Variants in SH3RF3 observed in about 807,000 individuals in gnomAD.
The protein encoded by SH3RF3 is E3 ubiquitin-protein ligase SH3RF3.
SH3RF3 carries 29 observed loss-of-function variants against 66.3 expected under a neutral mutation model. That is an observed-to-expected ratio of 0.44 (90% CI 0.33 to 0.60). SH3RF3 has a LOEUF of 0.60. Ranked by LOEUF, SH3RF3 falls within the 20% of genes least tolerant of loss-of-function variation. The probability of loss-of-function intolerance (pLI) is 0.04; values close to 1 mark genes in which losing one functional copy is unlikely to be tolerated. For synonymous variants in SH3RF3, 583 were observed against 532.0 expected, an observed-to-expected ratio of 1.10 and a Z score of -1.32; for missense variants, 1,194 against 1,190.9, an observed-to-expected ratio of 1.00 and a Z score of -0.04.
intron 8 of SH3RF3, among the ~76,000 whole-genome samples, chr2:109,489,579 G>A (rs1017805990): frequency 6.6e-6 from 1 of 152,218 alleles, no homozygotes; most frequent in South Asian, 2.1e-4. Context: ...CCAGGGTCCC[G>A]TGACAGAGAG....
chr2:109,501,737 G>C lies in SH3RF3; in HGVS notation c.*66G>C, dbSNP rs1679393324. 8 of 693,320 alleles carry C rather than the reference G, an allele frequency of 1.2e-5. No individual in the cohort carries two copies. Among genetic ancestry groups the C allele is most frequent in the South Asian group, 6.1e-5 (4 of 65,326 alleles). The allele number at this position is 693,320 out of a possible 1,614,324, so 42.9% of individuals were successfully genotyped here. ...CGCCTGGGAAGCTCCACGGCACACA[G>C]AGAGGGAGCCATGGCGCCCCAAGGG... On this transcript the variant is annotated 3_prime_UTR_variant, in exon 10 of 10. Transcript: ENST00000309415.
At chr2:109,325,042 G>T (rs1682118162) in intron 1 of SH3RF3, among the ~76,000 whole-genome samples, 1 of 127,202 alleles carries the variant, frequency 7.9e-6, no homozygotes, top group Admixed American at 7.4e-5. Flanking sequence ...TAAAATGTGT[G>T]TGGTTTTTGT....
chr2:109,368,708 T>TAAAAAA (rs372666198), intron 2 of SH3RF3, among the ~76,000 whole-genome samples: 3 of 136,796 alleles, frequency 2.2e-5, no homozygotes, highest in Non-Finnish European at 3.2e-5. Flanking sequence ...GTATTTTCTT[T>TAAAAAA]AAAAAAAAAA....
intron 9 of SH3RF3, among the ~76,000 whole-genome samples, chr2:109,496,381 T>C (rs1679262311): frequency 6.6e-6 from 1 of 152,162 alleles, no homozygotes; most frequent in Non-Finnish European, 1.5e-5. Flanking sequence ...CACTCCTAGC[T>C]GCAGTGCTGA....
intron 1 of SH3RF3, among the ~76,000 whole-genome samples, chr2:109,149,113 G>T (rs1677172095): frequency 6.6e-6 from 1 of 152,124 alleles, no homozygotes; most frequent in Non-Finnish European, 1.5e-5. Flanking sequence ...CTGGGCTCTG[G>T]GAAGGAGCAG....
At chr2:109,176,107 G>C (rs1373929843) in intron 1 of SH3RF3, among the ~76,000 whole-genome samples, 1 of 152,150 alleles carries the variant, frequency 6.6e-6, no homozygotes. Context: ...CTGTCCACCT[G>C]CATTTCCTGG....
intron 7 of SH3RF3, among the ~76,000 whole-genome samples, chr2:109,447,980 G>C (rs930588362): frequency 2.0e-5 from 3 of 152,148 alleles, no homozygotes; most frequent in Non-Finnish European, 4.4e-5. Flanking sequence ...GGTGGTGGGC[G>C]GCTTCTCCTC....
intron 1 of SH3RF3, among the ~76,000 whole-genome samples, chr2:109,295,101 T>TA (rs1334701208): frequency 1.3e-5 from 2 of 152,342 alleles, no homozygotes; most frequent in African/African-American, 4.8e-5. Context: ...GATGCAGACT[T>TA]AGAGTATCTC....
chr2:109,451,540 C>A (rs1299048273), intron 8 of SH3RF3, among the ~76,000 whole-genome samples: 1 of 151,350 alleles, frequency 6.6e-6, no homozygotes, highest in African/African-American at 2.4e-5. Context: ...GACATTACGT[C>A]CTGTACGAAT....
At position 109,432,535 on chromosome 2, in the gene SH3RF3, A is replaced by T. The variant is rs1197277249; in HGVS notation, c.1438A>T (p.Ser480Cys). Residue 480 changes from serine (S) to cysteine (C), a missense_variant, in exon 6 of 10, where the codon AGT becomes TGT. Transcript: ENST00000309415. ...GCTCTACGCCTACAAGCCCCAGAAG[A>T]GTGACGAGCTGGAGCTGCACAAGGG... ...LALYAYKPQKSDELELHKGEM... is the reference protein window; with the variant it reads ...LALYAYKPQKCDELELHKGEM... 8 of 1,613,552 alleles carry T rather than the reference A, an allele frequency of 5.0e-6. No homozygotes were observed. In the African/African-American group the frequency reaches 5.3e-5, roughly 11 times the overall value.
chr2:109,140,542 G>A (rs1676922681), intron 1 of SH3RF3, among the ~76,000 whole-genome samples: 1 of 151,960 alleles, frequency 6.6e-6, no homozygotes, highest in Non-Finnish European at 1.5e-5. Context: ...CACCATGCCT[G>A]GCTAATTTTT....
At chr2:109,352,716 C>T (rs949419236) in intron 2 of SH3RF3, among the ~76,000 whole-genome samples, 1 of 152,186 alleles carries the variant, frequency 6.6e-6, no homozygotes, top group Non-Finnish European at 1.5e-5. Flanking sequence ...ATTTCTCCTC[C>T]TAGGCTCAGT....
At chr2:109,404,487 G>A (rs1270950875) in intron 4 of SH3RF3, among the ~76,000 whole-genome samples, 1 of 152,158 alleles carries the variant, frequency 6.6e-6, no homozygotes, top group Admixed American at 6.5e-5. Flanking sequence ...ACAGAAAGAT[G>A]GGGGAGTGGG....
intron 1 of SH3RF3, among the ~76,000 whole-genome samples, chr2:109,327,083 TC>T (rs1401877129): frequency 6.6e-6 from 1 of 152,272 alleles, no homozygotes; most frequent in Non-Finnish European, 1.5e-5. Flanking sequence ...TAAATGTTGT[TC>T]CACTGAACAT....
intron 1 of SH3RF3, among the ~76,000 whole-genome samples, chr2:109,293,447 G>A (rs1055947874): frequency 1.3e-5 from 2 of 152,192 alleles, no homozygotes; most frequent in East Asian, 1.9e-4. Flanking sequence ...CTACCCCAGT[G>A]GTGACCGGGC....
intron 5 of SH3RF3, among the ~76,000 whole-genome samples, chr2:109,430,489 C>T (rs985479192): frequency 2.0e-5 from 3 of 151,918 alleles, no homozygotes; most frequent in Middle Eastern, 3.2e-3. Flanking sequence ...GTCCTCTCCC[C>T]GTCCTCTCCC....
At chr2:109,131,530 G>T (rs535629967) in intron 1 of SH3RF3, among the ~76,000 whole-genome samples, 3 of 152,212 alleles carry the variant, frequency 2.0e-5, no homozygotes, top group South Asian at 4.2e-4. Flanking sequence ...CTAGTAAAAC[G>T]CTGGGACATT....
intron 1 of SH3RF3, among the ~76,000 whole-genome samples, chr2:109,336,925 T>G (rs1190713433): frequency 1.3e-5 from 2 of 152,220 alleles, no homozygotes; most frequent in African/African-American, 4.8e-5. Flanking sequence ...TCTGCATCCC[T>G]GACAGCCAGA....
At chr2:109,271,880 A>T (rs1425965624) in intron 1 of SH3RF3, among the ~76,000 whole-genome samples, 4 of 152,348 alleles carry the variant, frequency 2.6e-5, no homozygotes, top group Admixed American at 6.5e-5. Context: ...GAATCATCCC[A>T]AGGCAGAATT....
Sources: allele counts gnomAD v4.1 joint callset (sites outside exome capture counted in the v4.1 genomes callset), GRCh38; gene constraint gnomAD v4.1.1; transcripts MANE v1.5; gene names NCBI Gene and HGNC (gene_info 2026-07-23, HGNC 2026-07-21).